UST: variants seen among roughly 807,000 people sequenced by gnomAD.
UST encodes chondroitin sulfate 2-O-sulfotransferase.
UST carries 21 observed loss-of-function variants against 45.6 expected under a neutral mutation model. That is an observed-to-expected ratio of 0.46 (90% CI 0.33 to 0.66). UST has a LOEUF of 0.66. Among genes scored for constraint, UST ranks in the 30% least tolerant of loss-of-function variants. UST has a pLI of 0.02. For missense variants in UST, 463 were observed against 512.4 expected (o/e 0.90, Z 0.93); for synonymous variants, 215 against 200.6 (o/e 1.07, Z -0.61).
intron 5 of UST, among the ~76,000 whole-genome samples, chr6:149,003,418 G>T (rs1276332352): frequency 6.7e-6 from 1 of 148,858 alleles, no homozygotes; most frequent in Non-Finnish European, 1.5e-5. Flanking sequence ...ACGTCATTTT[G>T]ATGTCCAATT....
At chr6:148,750,704 T>A (rs1216152944) in intron 1 of UST, among the ~76,000 whole-genome samples, 1 of 152,204 alleles carries the variant, frequency 6.6e-6, no homozygotes, top group East Asian at 1.9e-4. Flanking sequence ...TTGATACTTG[T>A]ACTCTGAGTA....
At chr6:148,855,874 C>G (rs1164163106) in intron 1 of UST, among the ~76,000 whole-genome samples, 3 of 152,142 alleles carry the variant, frequency 2.0e-5, no homozygotes, top group Non-Finnish European at 4.4e-5. Flanking sequence ...CACACTTGAG[C>G]TGGCAGGAAC....
In UST at chr6:148,964,457, T is replaced by C. The variant is rs1223482301; in HGVS notation, c.575T>C (p.Val192Ala). Residue 192 changes from valine to alanine, a missense_variant, in exon 5 of 8, where the codon GTC (valine) becomes GCC (alanine). By Grantham distance (64) the Val-to-Ala change is moderately conservative. This residue lies in a region of UST where 287 missense variants were observed against 374.2 expected (regional missense o/e 0.77). Coordinates refer to ENST00000367463, the MANE Select transcript of UST (RefSeq NM_005715.3). ...TACATCAACATCATTAGAGACCCCG[T>C]CAACCGGTTCTTATCCAACTATTTT... ...PVYINIIRDP[V>A]NRFLSNYFFR... 2 of 1,614,188 alleles carry C rather than the reference T, an allele frequency of 1.2e-6. No individual in the cohort carries two copies. Among genetic ancestry groups the C allele is most frequent in the Admixed American group, 3.3e-5 (2 of 60,028 alleles).
chr6:148,999,502 A>G (rs1252949500), intron 5 of UST, among the ~76,000 whole-genome samples: 1 of 152,244 alleles, frequency 6.6e-6, no homozygotes, highest in African/African-American at 2.4e-5. Flanking sequence ...TTTTGGCAAC[A>G]TGCAACACTA....
At chr6:148,882,552 T>G (rs1173719390) in intron 1 of UST, among the ~76,000 whole-genome samples, 1 of 150,350 alleles carries the variant, frequency 6.7e-6, no homozygotes, top group East Asian at 1.9e-4. Flanking sequence ...TATGAAAGTC[T>G]TCTACAGTGA....
At chr6:148,959,333 A>G (rs564625966) in intron 4 of UST, among the ~76,000 whole-genome samples, 14 of 152,360 alleles carry the variant, frequency 9.2e-5, no homozygotes, top group African/African-American at 3.4e-4. Flanking sequence ...GACCAATTCA[A>G]TTCTGTGCCC....
intron 7 of UST, among the ~76,000 whole-genome samples, chr6:149,022,390 A>C (rs932953255): frequency 1.3e-5 from 2 of 152,084 alleles, no homozygotes; most frequent in African/African-American, 2.4e-5. Flanking sequence ...ACCTGACGTC[A>C]GGAGTTCGAG....
intron 7 of UST, among the ~76,000 whole-genome samples, chr6:149,030,889 T>C (rs1252240784): frequency 1.3e-5 from 2 of 152,124 alleles, no homozygotes; most frequent in Non-Finnish European, 2.9e-5. Flanking sequence ...GGAATAGCAG[T>C]GCAAGGTCTT....
chr6:148,986,094 G>A lies in UST; in HGVS notation c.681+21531G>A, dbSNP rs555337638. ...CAAAGTCATTCATCAGAGGAGTCCT[G>A]TGTGTTGCAGGAATGGGCCTGCCTT... On this transcript the variant is annotated intron_variant, in intron 5 of 7. Transcript: ENST00000367463. Among the ~76,000 whole-genome samples the A allele has an allele frequency of 3.3e-5, 5 of 152,328 alleles. No individual in the cohort carries two copies. In the East Asian group the frequency reaches 5.8e-4, roughly 18 times the overall value.
chr6:148,910,683 T>C (rs1779454600), intron 2 of UST, among the ~76,000 whole-genome samples: 1 of 152,212 alleles, frequency 6.6e-6, no homozygotes, highest in Non-Finnish European at 1.5e-5. Context: ...TTTATATATG[T>C]ATGTTTATAA....
At chr6:148,771,797 C>T (rs977815844) in intron 1 of UST, among the ~76,000 whole-genome samples, 4 of 152,098 alleles carry the variant, frequency 2.6e-5, no homozygotes, top group African/African-American at 9.7e-5. Context: ...AGAGTTTTTG[C>T]AGGTAACTAC....
chr6:148,784,827 A>G (rs1776707269), intron 1 of UST, among the ~76,000 whole-genome samples: 1 of 152,240 alleles, frequency 6.6e-6, no homozygotes, highest in African/African-American at 2.4e-5. Context: ...GGCACTTTGA[A>G]ATGTCTTATC....
intron 2 of UST, 118 bp from the exon 3 acceptor site, chr6:148,941,161 A>T (rs905790332): frequency 8.7e-7 from 1 of 1,148,906 alleles, no homozygotes; most frequent in East Asian, 2.4e-5. Flanking sequence ...TAATCTGATT[A>T]TAGGCCTTTT....
chr6:148,925,870 G>C (rs1482972648), intron 2 of UST, among the ~76,000 whole-genome samples: 1 of 152,210 alleles, frequency 6.6e-6, no homozygotes. Flanking sequence ...GGACTTCTGA[G>C]CAAATGAGTG....
rs538604909 is a variant in UST, at chr6:148,933,914, G to T, written c.292-7365G>T. On this transcript the variant is annotated intron_variant, in intron 2 of 7. Coordinates refer to ENST00000367463, the MANE Select transcript of UST (RefSeq NM_005715.3). ...CAAAATAAAACTGGGAACGCCTATG[G>T]AGTTGGAACCCATGTCATCAGCACA... Among the ~76,000 whole-genome samples, 3 of 152,316 alleles carry T rather than the reference G, an allele frequency of 2.0e-5. No individual in the cohort carries two copies. In the East Asian group the frequency reaches 5.8e-4, roughly 29 times the overall value.
chr6:148,922,313 A>G (rs979126942), intron 2 of UST, among the ~76,000 whole-genome samples: 16 of 151,534 alleles, frequency 1.1e-4, no homozygotes, highest in African/African-American at 3.2e-4. Context: ...GATTTTGCCT[A>G]CAGGATTCTG....
chr6:148,862,657 A>G (rs1467832748), intron 1 of UST, among the ~76,000 whole-genome samples: 2 of 152,158 alleles, frequency 1.3e-5, no homozygotes, highest in Non-Finnish European at 2.9e-5. Flanking sequence ...TTCCATGTTT[A>G]GGGCTTCCTT....
rs1019949358 is a variant in UST, at chr6:148,991,561, CCAAGTGTTCTCATTGTT to C, written c.681+27002_681+27018del. Among the ~76,000 whole-genome samples the C allele has an allele frequency of 2.3e-5, 3 of 132,736 alleles. No individual in the cohort carries two copies. The East Asian group carries it at 7.1e-4, about 31-fold the overall frequency. 87.1% of individuals were successfully genotyped at this position (132,736 alleles called of 152,430 possible). On this transcript the variant is annotated intron_variant, in intron 5 of 7. Coordinates refer to ENST00000367463, the MANE Select transcript of UST (RefSeq NM_005715.3). ...GTGTGTGATGTTCCCCACCCTGTGT[CCAAGTGTTCTCATTGTT>C]CAATTCCCACCTATAGAATTCATAG... is the stretch of plus-strand genomic sequence containing the variant.
intron 1 of UST, among the ~76,000 whole-genome samples, chr6:148,867,194 G>A (rs1562282216): frequency 6.6e-6 from 1 of 151,212 alleles, no homozygotes; most frequent in Non-Finnish European, 1.5e-5. Context: ...CATTTGGCAG[G>A]CACAAAGTCA....
Sources: allele counts gnomAD v4.1 joint callset (sites outside exome capture counted in the v4.1 genomes callset), GRCh38; gene constraint gnomAD v4.1.1; regional missense constraint gnomAD v4.1.1; transcripts MANE v1.5; gene names NCBI Gene and HGNC (gene_info 2026-07-23, HGNC 2026-07-21).